The following SH3BGRL2 variants were observed in gnomAD, a reference collection of about 807,000 sequenced individuals.
SH3BGRL2 encodes SH3 domain binding glutamate rich protein like 2.
Under a neutral mutation model 14.8 loss-of-function variants are expected in SH3BGRL2, and 21 were observed. The ratio of observed to expected loss-of-function variants is 1.42; its 90% CI spans 1.01 to 2.05. The LOEUF (loss-of-function observed/expected upper bound fraction) is 2.05. Among genes scored for constraint, SH3BGRL2 ranks in the 30% most tolerant of loss-of-function variants. The probability of loss-of-function intolerance (pLI) is 0.00; values close to 1 mark genes in which losing one functional copy is unlikely to be tolerated. For missense variants in SH3BGRL2, 147 were observed against 130.8 expected, an observed-to-expected ratio of 1.12 and a Z score of -0.61; for synonymous variants, 50 against 47.8, an observed-to-expected ratio of 1.05 and a Z score of -0.19.
the SH3BGRL2 span, among the ~76,000 whole-genome samples, chr6:79,611,920 T>A: frequency 6.6e-6 from 1 of 152,156 alleles, no homozygotes; most frequent in African/African-American, 2.4e-5. Flanking sequence ...ATTAATTATA[T>A]GTAAAGAGCC....
chr6:79,546,952 C>G, the SH3BGRL2 span, among the ~76,000 whole-genome samples: 1 of 152,078 alleles, frequency 6.6e-6, no homozygotes, highest in Non-Finnish European at 1.5e-5. Flanking sequence ...AGTGCTGGGA[C>G]CACAGGCGTG....
chr6:79,680,589 A>T (rs1769969650), intron 2 of SH3BGRL2, among the ~76,000 whole-genome samples: 1 of 151,316 alleles, frequency 6.6e-6, no homozygotes, highest in Non-Finnish European at 1.5e-5. Context: ...TTTTAGGATG[A>T]TTTTTTTTTC....
At chr6:79,540,979 A>G in the SH3BGRL2 span, among the ~76,000 whole-genome samples, 12 of 151,972 alleles carry the variant, frequency 7.9e-5, no homozygotes, top group Non-Finnish European at 1.6e-4. Context: ...CCAGCCGGGC[A>G]TGGTGGCTCA....
chr6:79,686,069 G>A (rs1168651617), intron 2 of SH3BGRL2, among the ~76,000 whole-genome samples: 1 of 152,072 alleles, frequency 6.6e-6, no homozygotes, highest in Non-Finnish European at 1.5e-5. Flanking sequence ...AGTTCCCCCA[G>A]GAAGTATTGT....
intron 1 of SH3BGRL2, among the ~76,000 whole-genome samples, chr6:79,663,352 A>C (rs911349434): frequency 2.0e-5 from 3 of 151,908 alleles, no homozygotes; most frequent in Non-Finnish European, 4.4e-5. Flanking sequence ...CTTTTTGTTG[A>C]TGTTGATGTT....
chr6:79,640,525 T>A (rs1769009518), intron 1 of SH3BGRL2, among the ~76,000 whole-genome samples: 2 of 152,184 alleles, frequency 1.3e-5, no homozygotes, highest in Non-Finnish European at 2.9e-5. Context: ...CTGGGACAAT[T>A]TGGGAACAAT....
At chr6:79,542,942 G>C in the SH3BGRL2 span, among the ~76,000 whole-genome samples, 1 of 152,308 alleles carries the variant, frequency 6.6e-6, no homozygotes, top group Non-Finnish European at 1.5e-5. Flanking sequence ...ACAGCTAACA[G>C]TTGGTGACCA....
chr6:79,590,436 T>G, the SH3BGRL2 span, among the ~76,000 whole-genome samples: 15 of 88,294 alleles, frequency 1.7e-4, no homozygotes, highest in Admixed American at 8.4e-4. Context: ...TATATATATA[T>G]ATATATATAT....
At chr6:79,566,254 C>G in the SH3BGRL2 span, among the ~76,000 whole-genome samples, 1 of 152,150 alleles carries the variant, frequency 6.6e-6, no homozygotes, top group Non-Finnish European at 1.5e-5. Flanking sequence ...AGAATGATAC[C>G]TGGCTTATTA....
At chr6:79,564,977 C>G in the SH3BGRL2 span, among the ~76,000 whole-genome samples, 1 of 152,058 alleles carries the variant, frequency 6.6e-6, no homozygotes, top group Admixed American at 6.6e-5. Context: ...GGAATTTCCC[C>G]TGGCAGAAGA....
At chr6:79,682,992 T>C (rs1404926962) in intron 2 of SH3BGRL2, among the ~76,000 whole-genome samples, 1 of 152,102 alleles carries the variant, frequency 6.6e-6, no homozygotes, top group Non-Finnish European at 1.5e-5. Context: ...TAGGTGGGAA[T>C]TGAACAATGA....
rs760024543 is a variant in SH3BGRL2 at position 79,631,419 on chromosome 6, G to A, written c.-43G>A. 8.0e-6 allele frequency: 12 copies of A among 1,495,248 alleles called. 2 individuals are homozygous for A. In the South Asian group the frequency reaches 1.6e-4, roughly 20 times the overall value. The allele number at this position is 1,495,248 out of a possible 1,614,324, so 92.6% of individuals were successfully genotyped here. A position where few individuals can be genotyped will look rare whatever the true frequency, so the allele number is the denominator to read the frequency against. On this transcript the variant is annotated 5_prime_UTR_variant, in exon 1 of 4. Coordinates refer to ENST00000369838, the MANE Select transcript of SH3BGRL2 (RefSeq NM_031469.4). Reference sequence around the variant, plus strand: ...TTCAGCTCTGCGTCCACGCCAGCCCGGAGCCCGGGGGGCAAGGGGTCTGTC... The same window carrying A: ...TTCAGCTCTGCGTCCACGCCAGCCCAGAGCCCGGGGGGCAAGGGGTCTGTC...
the SH3BGRL2 span, among the ~76,000 whole-genome samples, chr6:79,597,474 G>A: frequency 1.3e-5 from 2 of 152,066 alleles, no homozygotes; most frequent in Non-Finnish European, 2.9e-5. Context: ...CTCACATTTA[G>A]GGTCAATTGA....
At chr6:79,677,718 C>A (rs1769912759) in intron 2 of SH3BGRL2, among the ~76,000 whole-genome samples, 1 of 152,248 alleles carries the variant, frequency 6.6e-6, no homozygotes, top group African/African-American at 2.4e-5. Context: ...TTCATAATTC[C>A]TCTCCCTCAA....
chr6:79,584,578 G>T, the SH3BGRL2 span, among the ~76,000 whole-genome samples: 1 of 152,112 alleles, frequency 6.6e-6, no homozygotes, highest in South Asian at 2.1e-4. Flanking sequence ...TTTTCTCTTA[G>T]GAGGAGAAAG....
At chr6:79,616,958 C>T in the SH3BGRL2 span, among the ~76,000 whole-genome samples, 4 of 152,212 alleles carry the variant, frequency 2.6e-5, no homozygotes, top group East Asian at 3.9e-4. Flanking sequence ...GAGGCCAAGG[C>T]GGGCAGATCA....
At chr6:79,692,766 A>G (rs1222202041) in intron 2 of SH3BGRL2, among the ~76,000 whole-genome samples, 2 of 152,054 alleles carry the variant, frequency 1.3e-5, no homozygotes, top group Admixed American at 6.6e-5. Flanking sequence ...GTAGCCTTGT[A>G]GTATAGTTTG....
rs546067418 is a variant in SH3BGRL2, at chr6:79,702,710, A to C, written c.*3201A>C. ...GGTCCTGCACGAGGGTGTTGGGAGGACACCACAGATTCATCTCAGACAGTG... is the reference window on the plus strand; with the variant it reads ...GGTCCTGCACGAGGGTGTTGGGAGGCCACCACAGATTCATCTCAGACAGTG... On this transcript the variant is annotated 3_prime_UTR_variant, in exon 4 of 4. Coordinates refer to ENST00000369838, the MANE Select transcript of SH3BGRL2 (RefSeq NM_031469.4). 2.0e-5 allele frequency: 3 copies of C among 152,216 alleles called. No individual in the cohort carries two copies. Among genetic ancestry groups the C allele is most frequent in the Non-Finnish European group, 4.4e-5 (3 of 68,042 alleles). 9.4% of individuals were successfully genotyped at this position (152,216 alleles called of 1,614,324 possible).
At chr6:79,657,639 G>A (rs1478544686) in intron 1 of SH3BGRL2, among the ~76,000 whole-genome samples, 7 of 151,282 alleles carry the variant, frequency 4.6e-5, no homozygotes, top group South Asian at 4.2e-4. Flanking sequence ...TTTTTGAGGC[G>A]GAGTTTCGCT....
Sources: allele counts gnomAD v4.1 joint callset (sites outside exome capture counted in the v4.1 genomes callset), GRCh38; gene constraint gnomAD v4.1.1; transcripts MANE v1.5; gene names NCBI Gene and HGNC (gene_info 2026-07-23, HGNC 2026-07-21).